CNOT9: variants seen among roughly 807,000 people sequenced by gnomAD.
CNOT9 encodes the protein RCD1 required for cell differentiation1 homolog.
In CNOT9, 8 loss-of-function variants were observed where a neutral mutation model predicts 37.4. The observed-to-expected ratio is 0.21, with a 90% confidence interval of 0.13 to 0.39. CNOT9 has a LOEUF of 0.39. Among genes scored for constraint, CNOT9 ranks in the 10% least tolerant of loss-of-function variants. The pLI is 1.00. For missense variants in CNOT9, 154 were observed against 365.3 expected (o/e 0.42, Z 4.71); for synonymous variants, 120 against 137.6 (o/e 0.87, Z 0.90).
intron 1 of CNOT9, among the ~76,000 whole-genome samples, chr2:218,570,139 A>G (rs1245299509): frequency 1.3e-5 from 2 of 152,208 alleles, no homozygotes; most frequent in African/African-American, 4.8e-5. Flanking sequence ...ATTGAAGGGA[A>G]GGTGACCACT....
intron 7 of CNOT9, 164 bp from the exon 8 acceptor site, chr2:218,593,944 A>G: frequency 2.1e-6 from 2 of 960,068 alleles, no homozygotes; most frequent in South Asian, 3.6e-5. Context: ...GGAGATCTCT[A>G]AGCCTATGCC....
intron 1 of CNOT9, among the ~76,000 whole-genome samples, chr2:218,579,070 A>G (rs1574987885): frequency 6.6e-6 from 1 of 152,224 alleles, no homozygotes; most frequent in Non-Finnish European, 1.5e-5. Flanking sequence ...GGATGTCAGA[A>G]TCACTGGGGA....
At chr2:218,588,941 A>G (rs1328111271) in intron 5 of CNOT9, among the ~76,000 whole-genome samples, 2 of 151,774 alleles carry the variant, frequency 1.3e-5, no homozygotes, top group African/African-American at 4.8e-5. Context: ...TTTCTCTTTT[A>G]TTCGTTCAAG....
At chr2:218,584,845 C>T in intron 4 of CNOT9, 124 bp downstream of exon 4, 1 of 716,720 alleles carries the variant, frequency 1.4e-6, no homozygotes, top group Non-Finnish European at 2.5e-6. Context: ...GAGGTTGTCT[C>T]ATTCACTAAT....
intron 1 of CNOT9, among the ~76,000 whole-genome samples, chr2:218,571,827 T>G (rs192179845): frequency 1.6e-3 from 236 of 150,086 alleles, no homozygotes; most frequent in Non-Finnish European, 2.4e-3. Context: ...TCAGGTGATC[T>G]GCCCGCCTCA....
At chr2:218,587,427 C>CT (rs61564091) in intron 4 of CNOT9, 159 bp from the exon 5 acceptor site, 17,326 of 899,850 alleles carry the variant, frequency 0.019, no homozygotes, top group East Asian at 0.029. Context: ...CGCCCTCTTC[C>CT]TTTTTTTTTT....
In CNOT9 at chr2:218,594,415, A is replaced by G. The variant is rs190454783; in HGVS notation, c.*139A>G. ...CCGCACTGGAGAAAAGGGGCAAGGT[A>G]CCCCTGCTGAGGTGTATGGGCTGCC... On this transcript the variant is annotated 3_prime_UTR_variant, in exon 8 of 8. Coordinates refer to ENST00000273064, the MANE Select transcript of CNOT9 (RefSeq NM_005444.3). 5.1e-6 allele frequency: 5 copies of G among 975,316 alleles called. No homozygotes were observed. The Admixed American group carries it at 1.0e-4, about 20-fold the overall frequency. 60.4% of individuals were successfully genotyped at this position (975,316 alleles called of 1,614,324 possible). A position where few individuals can be genotyped will look rare whatever the true frequency, so the allele number is the denominator to read the frequency against.
chr2:218,585,065 C>G (rs1049874913), intron 4 of CNOT9, among the ~76,000 whole-genome samples: 7 of 151,974 alleles, frequency 4.6e-5, no homozygotes, highest in Non-Finnish European at 7.4e-5. Context: ...TTCTCCTCTT[C>G]CCTTCTCTCT....
rs1264173137 is a variant in CNOT9, at chr2:218,593,743, T to C, written c.732-365T>C. ...GTTATCATAAGTTTGATGATATCCT[T>C]GTTAATGTACTGATTTTTGAATTAT... is the stretch of plus-strand genomic sequence containing the variant. On this transcript the variant is annotated intron_variant, in intron 7 of 7. Transcript: ENST00000273064. The C allele has an allele frequency of 2.5e-6, 3 of 1,206,676 alleles. No individual in the cohort carries two copies. The African/African-American group carries it at 4.6e-5, about 18-fold the overall frequency. 74.7% of individuals were successfully genotyped at this position (1,206,676 alleles called of 1,614,324 possible).
At chr2:218,587,477 T>C (rs1694633768) in intron 4 of CNOT9, 109 bp from the exon 5 acceptor site, 1 of 1,328,638 alleles carries the variant, frequency 7.5e-7, no homozygotes. Flanking sequence ...CAAACCCCAG[T>C]TTGTGTTCTG....
intron 1 of CNOT9, among the ~76,000 whole-genome samples, chr2:218,570,970 G>A (rs761290193): frequency 1.3e-5 from 2 of 152,170 alleles, no homozygotes; most frequent in African/African-American, 2.4e-5. Flanking sequence ...AGCTAGTGAG[G>A]AAACTAAAAC....
intron 5 of CNOT9, among the ~76,000 whole-genome samples, chr2:218,590,797 C>CTTG (rs72308011): frequency 0.018 from 2,703 of 150,806 alleles, 77 homozygotes; most frequent in African/African-American, 0.057. Flanking sequence ...CTACATCTCT[C>CTTG]TTGTTGTTGT....
chr2:218,575,387 CT>C (rs71064461), intron 1 of CNOT9, among the ~76,000 whole-genome samples: 487 of 127,228 alleles, frequency 3.8e-3, no homozygotes, highest in African/African-American at 8.8e-3. Context: ...TTTCTTTTTT[CT>C]TTTTTTTTTT....
At chr2:218,583,258 TC>T (rs1694477129) in intron 3 of CNOT9, among the ~76,000 whole-genome samples, 172 bp downstream of exon 3, 1 of 126,904 alleles carries the variant, frequency 7.9e-6, no homozygotes, top group African/African-American at 3.8e-5. Flanking sequence ...TCTCTCTCTC[TC>T]TCTCTCTCTC....
chr2:218,583,550 T>C (rs938458102), intron 3 of CNOT9, among the ~76,000 whole-genome samples: 2 of 152,164 alleles, frequency 1.3e-5, no homozygotes, highest in African/African-American at 4.8e-5. Flanking sequence ...TAGACGAGAA[T>C]TGGCATGTAA....
chr2:218,588,614 T>TTTTTTTGGTG (rs1694674039), intron 5 of CNOT9, among the ~76,000 whole-genome samples: 1 of 116,338 alleles, frequency 8.6e-6, no homozygotes, highest in African/African-American at 3.2e-5. Flanking sequence ...TTTTTTTTTT[T>TTTTTTTGGTG]GAGATGGAGT....
In CNOT9 at chr2:218,594,086, GGTTT is replaced by G. The variant is rs749119204; in HGVS notation, c.732-13_732-10del. 15 of 1,612,562 alleles carry G rather than the reference GGTTT, an allele frequency of 9.3e-6. No homozygotes were observed. In the African/African-American group the frequency reaches 1.2e-4, roughly 13 times the overall value. On this transcript the variant is annotated intron_variant, in intron 7 of 7. Coordinates refer to ENST00000273064, the MANE Select transcript of CNOT9 (RefSeq NM_005444.3). ...GGTTTATTTGTTGGTCTCCCTGGTT[GGTTT>G]GTTTGTTTCTGATGTAGGGCACGTG...
chr2:218,594,049 C>T lies in CNOT9; in HGVS notation c.732-59C>T. ...GTCTAAGAAGGGGGCTCTTCCCTGT[C>T]CACAAAATGTGGGTTTATTTGTTGG... On this transcript the variant is annotated intron_variant, in intron 7 of 7. Coordinates refer to ENST00000273064, the MANE Select transcript of CNOT9 (RefSeq NM_005444.3). 10 of 1,542,100 alleles carry T rather than the reference C, an allele frequency of 6.5e-6. No individual in the cohort carries two copies. The South Asian group carries it at 1.0e-4, about 16-fold the overall frequency.
At chr2:218,584,220 G>A (rs959767593) in intron 3 of CNOT9, among the ~76,000 whole-genome samples, 2 of 152,136 alleles carry the variant, frequency 1.3e-5, no homozygotes, top group Admixed American at 6.5e-5. Flanking sequence ...ACTGTGATCT[G>A]GACTAGGGTT....
Sources: gnomAD v4.1 joint callset for allele counts (sites outside exome capture counted in the v4.1 genomes callset) on GRCh38, gnomAD v4.1.1 for gene constraint, MANE v1.5 for transcripts, NCBI Gene and HGNC (gene_info 2026-07-23, HGNC 2026-07-21) for gene names.